Variants in PTPRD observed in about 807,000 individuals in gnomAD.
The protein encoded by PTPRD is protein tyrosine phosphatase receptor type D.
A neutral mutation model predicts 214.5 loss-of-function variants in PTPRD; 34 were observed. That is an observed-to-expected ratio of 0.16 (90% confidence interval 0.12 to 0.21). The LOEUF (loss-of-function observed/expected upper bound fraction) is 0.21. PTPRD is among the 10% of genes least tolerant of loss of function. The probability of loss-of-function intolerance (pLI) is 1.00; values close to 1 mark genes in which losing one functional copy is unlikely to be tolerated. For synonymous variants in PTPRD, 1,128 were observed against 845.7 expected (o/e 1.33, Z -5.79); for missense variants, 2,545 against 2,398.7 (o/e 1.06, Z -1.27).
intron 7 of PTPRD, among the ~76,000 whole-genome samples, chr9:9,652,911 G>A (rs1003546919): frequency 1.3e-5 from 2 of 151,982 alleles, no homozygotes; most frequent in Non-Finnish European, 2.9e-5. Context: ...ACTATGCCCA[G>A]CCAATAATAT....
At chr9:10,061,013 T>G (rs2097769945) in intron 3 of PTPRD, among the ~76,000 whole-genome samples, 1 of 150,826 alleles carries the variant, frequency 6.6e-6, no homozygotes, top group Admixed American at 6.6e-5. Flanking sequence ...TTTCTGTCTC[T>G]CTCTCTTTCT....
At chr9:8,791,650 C>G (rs7873197) in intron 11 of PTPRD, among the ~76,000 whole-genome samples, 1 of 150,078 alleles carries the variant, frequency 6.7e-6, no homozygotes, top group South Asian at 2.1e-4. Context: ...GGAGAGAAAT[C>G]CAAAGGAATT....
At chr9:9,543,308 T>C (rs2078042588) in intron 8 of PTPRD, among the ~76,000 whole-genome samples, 2 of 151,670 alleles carry the variant, frequency 1.3e-5, no homozygotes, top group Admixed American at 1.3e-4. Context: ...GTTAGAGTTG[T>C]AGAATTGATT....
intron 3 of PTPRD, among the ~76,000 whole-genome samples, chr9:10,250,205 T>C (rs2092641995): frequency 6.6e-6 from 1 of 152,094 alleles, no homozygotes; most frequent in East Asian, 1.9e-4. Context: ...AAATGAAGAA[T>C]CTGATAAAAG....
At chr9:8,753,490 T>A (rs1375922686) in intron 11 of PTPRD, among the ~76,000 whole-genome samples, 1 of 152,240 alleles carries the variant, frequency 6.6e-6, no homozygotes, top group Non-Finnish European at 1.5e-5. Flanking sequence ...TTGAACAATC[T>A]GTCTGTGCTC....
chr9:10,201,752 A>C (rs2099425165), intron 3 of PTPRD, among the ~76,000 whole-genome samples: 1 of 152,110 alleles, frequency 6.6e-6, no homozygotes, highest in Non-Finnish European at 1.5e-5. Flanking sequence ...TAAGCATCAC[A>C]TTGTATCCCA....
Position 9,183,332 on chromosome 9 carries a change from G to T in PTPRD, c.-171C>A, listed in dbSNP as rs1192512387. The T allele has an allele frequency of 6.6e-6, 1 of 151,952 alleles. No homozygotes were observed. The highest frequency in any genetic ancestry group is 2.4e-5 in the African/African-American group (1 of 41,404). The allele number at this position is 151,952 out of a possible 1,614,324, so 9.4% of individuals were successfully genotyped here. On this transcript the variant is annotated 5_prime_UTR_variant, in exon 10 of 46. The change creates a new upstream start codon in the 5' untranslated region. Coordinates refer to ENST00000381196, the MANE Select transcript of PTPRD (RefSeq NM_002839.4). ...GAGTTAGCCACCGTCGGTGTTTTCA[G>T]ACACAGTCCCTGGCCTCAAGAAGTT...
intron 3 of PTPRD, among the ~76,000 whole-genome samples, chr9:10,111,852 A>G (rs2098694147): frequency 6.6e-6 from 1 of 152,178 alleles, no homozygotes; most frequent in Admixed American, 6.5e-5. Flanking sequence ...TCATTTATAT[A>G]TTGGAAGCAC....
chr9:8,671,675 G>C (rs1289815209), intron 12 of PTPRD, among the ~76,000 whole-genome samples: 1 of 152,130 alleles, frequency 6.6e-6, no homozygotes, highest in Non-Finnish European at 1.5e-5. Flanking sequence ...CACATTTAAA[G>C]AGGCATAGAC....
chr9:10,461,768 G>A (rs961753455), intron 2 of PTPRD, among the ~76,000 whole-genome samples: 3 of 151,928 alleles, frequency 2.0e-5, no homozygotes, highest in Non-Finnish European at 4.4e-5. Context: ...GATTACAGGC[G>A]TGAGCCTCCA....
At chr9:8,607,926 C>G (rs1208724888) in intron 14 of PTPRD, among the ~76,000 whole-genome samples, 1 of 152,142 alleles carries the variant, frequency 6.6e-6, no homozygotes, top group Non-Finnish European at 1.5e-5. Context: ...ATTCTTGTGT[C>G]ACATGTTTAC....
chr9:10,562,060 A>G (rs1044947554), intron 2 of PTPRD, among the ~76,000 whole-genome samples: 5 of 152,168 alleles, frequency 3.3e-5, no homozygotes, highest in African/African-American at 4.8e-5. Context: ...AACTGATAAC[A>G]TTAATTGAGG....
chr9:8,808,189 CAT>C (rs149813240), intron 11 of PTPRD, among the ~76,000 whole-genome samples: 108 of 152,262 alleles, frequency 7.1e-4, no homozygotes, highest in African/African-American at 2.4e-3. Flanking sequence ...TAGAAGCACA[CAT>C]GAGTCAAGGA....
chr9:8,999,758 T>G (rs1479307972), intron 11 of PTPRD, among the ~76,000 whole-genome samples: 1 of 152,060 alleles, frequency 6.6e-6, no homozygotes, highest in Non-Finnish European at 1.5e-5. Context: ...GCCTGGTGGA[T>G]TCTACAGAAA....
chr9:9,347,675 G>T (rs546135096), intron 9 of PTPRD, among the ~76,000 whole-genome samples: 1 of 152,200 alleles, frequency 6.6e-6, no homozygotes, highest in Non-Finnish European at 1.5e-5. Flanking sequence ...GCAGATAATG[G>T]GGAAAAGGGT....
chr9:10,064,393 G>C (rs1334094271), intron 3 of PTPRD, among the ~76,000 whole-genome samples: 2 of 151,970 alleles, frequency 1.3e-5, no homozygotes, highest in Non-Finnish European at 2.9e-5. Context: ...AAAAACATGA[G>C]AAGACTATAA....
chr9:9,919,272 C>T lies in PTPRD; in HGVS notation c.-368+19235G>A, dbSNP rs188154008. Among the ~76,000 whole-genome samples the T allele has an allele frequency of 8.6e-3, 1,310 of 152,204 alleles. 5 individuals carry two copies. The highest frequency in any genetic ancestry group is 0.014 in the Non-Finnish European group (942 of 67,994). ...AGTTTCAGGACCCTATTACCTTGAC[C>T]TCCAGTCATCTCTCTGAGTCAATTC... On this transcript the variant is annotated intron_variant, in intron 5 of 45. Transcript: ENST00000381196.
chr9:9,646,175 G>T (rs2096157290), intron 7 of PTPRD, among the ~76,000 whole-genome samples: 1 of 152,112 alleles, frequency 6.6e-6, no homozygotes, highest in Admixed American at 6.6e-5. Flanking sequence ...TTTGTTTTTT[G>T]AGGGTCTGTT....
Position 8,633,411 on chromosome 9 carries a change from G to C in PTPRD, c.258C>G (p.Pro86=), listed in dbSNP as rs1276987373. The change falls in exon 14 of 46, where the codon CCC becomes CCG. Residue 86 remains proline, a synonymous_variant. Coordinates refer to ENST00000381196, the MANE Select transcript of PTPRD (RefSeq NM_002839.4). ...DGSGSVLRIQ[P]LRTPRDEAIY... ...TGGCCTCATCCCTCGGAGTCCGTAA[G>C]GGTTGTATTCTGAGAACTGATCCAG... The C allele has an allele frequency of 7.4e-6, 12 of 1,612,776 alleles. No individual in the cohort carries two copies. The highest frequency in any genetic ancestry group is 2.2e-5 in the South Asian group (2 of 91,026).
Sources: allele counts gnomAD v4.1 joint callset (sites outside exome capture counted in the v4.1 genomes callset), GRCh38; gene constraint gnomAD v4.1.1; transcripts MANE v1.5; gene names NCBI Gene and HGNC (gene_info 2026-07-23, HGNC 2026-07-21).